The following GRK3 variants were observed in gnomAD, a reference collection of about 807,000 sequenced individuals.
The protein encoded by GRK3 is G protein-coupled receptor kinase 3, also known as adrenergic, beta, receptor kinase 2.
GRK3 carries 54 observed loss-of-function variants against 95.7 expected under a neutral mutation model. The observed-to-expected ratio is 0.56, with a 90% CI of 0.45 to 0.71. GRK3 has a LOEUF of 0.71. Among genes scored for constraint, GRK3 ranks in the 30% least tolerant of loss-of-function variants. GRK3 has a pLI of 0.00. For synonymous variants in GRK3, 281 were observed against 290.8 expected, an observed-to-expected ratio of 0.97 and a Z score of 0.34; for missense variants, 649 against 851.2, an observed-to-expected ratio of 0.76 and a Z score of 2.96.
intron 1 of GRK3, among the ~76,000 whole-genome samples, chr22:25,600,152 T>G (rs1463625436): frequency 2.6e-5 from 4 of 151,620 alleles, no homozygotes; most frequent in Non-Finnish European, 5.9e-5. Flanking sequence ...GCAGGGTTTT[T>G]TTTTTTTTTT....
chr22:25,711,093 G>T lies in GRK3; in HGVS notation c.1421G>T (p.Arg474Leu). ...QKYPPPLIPPRGEVNAADAFD... is the reference protein window; with the variant it reads ...QKYPPPLIPPLGEVNAADAFD... ...TACCCACCACCCTTGATTCCTCCCC[G>T]GGGAGAAGTCAATGCTGCTGATGCC... The change falls in exon 17 of 21, where the codon CGG (arginine) becomes CTG (leucine). Residue 474 changes from arginine (R) to leucine (L), a missense_variant. Coordinates refer to ENST00000324198, the MANE Select transcript of GRK3 (RefSeq NM_005160.4). 6.2e-7 allele frequency: 1 copy of T among 1,613,468 alleles called. No individual in the cohort carries two copies. The highest frequency in any genetic ancestry group is 8.5e-7 in the Non-Finnish European group (1 of 1,179,696).
chr22:25,666,577 C>T (rs528750194), intron 5 of GRK3, among the ~76,000 whole-genome samples: 5 of 152,088 alleles, frequency 3.3e-5, no homozygotes, highest in Non-Finnish European at 7.4e-5. Flanking sequence ...GCTCACCCCC[C>T]ACCACCGCCC....
intron 1 of GRK3, among the ~76,000 whole-genome samples, chr22:25,597,841 C>G (rs1328308154): frequency 6.6e-6 from 1 of 152,166 alleles, no homozygotes; most frequent in Non-Finnish European, 1.5e-5. Flanking sequence ...GAAAACAAAA[C>G]AAACCTGCCA....
intron 9 of GRK3, among the ~76,000 whole-genome samples, chr22:25,680,584 G>A (rs2085066204): frequency 6.6e-6 from 1 of 152,234 alleles, no homozygotes; most frequent in African/African-American, 2.4e-5. Context: ...GAGAGGAGAT[G>A]TGGTTAAGTG....
intron 9 of GRK3, among the ~76,000 whole-genome samples, chr22:25,679,331 G>A (rs374555830): frequency 2.1e-4 from 32 of 152,306 alleles, no homozygotes; most frequent in African/African-American, 6.5e-4. Flanking sequence ...ACTCACATCC[G>A]AATTGTCCTT....
intron 5 of GRK3, among the ~76,000 whole-genome samples, 193 bp downstream of exon 5, chr22:25,663,897 G>A (rs776659822): frequency 3.9e-5 from 6 of 152,120 alleles, no homozygotes; most frequent in Admixed American, 2.6e-4. Flanking sequence ...TTCTACCAAC[G>A]TGCTTCCTAA....
chr22:25,644,500 T>G, intron 2 of GRK3, 92 bp from the exon 3 acceptor site: 1 of 525,014 alleles, frequency 1.9e-6, no homozygotes, highest in Non-Finnish European at 3.3e-6. Flanking sequence ...GAGGAAGAGG[T>G]TGAGGTATAA....
At chr22:25,671,020 C>T (rs1174767177) in intron 6 of GRK3, among the ~76,000 whole-genome samples, 1 of 149,496 alleles carries the variant, frequency 6.7e-6, no homozygotes, top group Non-Finnish European at 1.5e-5. Context: ...CGCCGCTGCA[C>T]TACAGTCTGG....
At chr22:25,571,996 A>C (rs1411305840) in intron 1 of GRK3, among the ~76,000 whole-genome samples, 2 of 151,900 alleles carry the variant, frequency 1.3e-5, no homozygotes, top group Non-Finnish European at 2.9e-5. Flanking sequence ...TCCCAATGCT[A>C]TCCCTACCCC....
intron 3 of GRK3, chr22:25,648,647 T>A: frequency 9.9e-7 from 1 of 1,011,350 alleles, no homozygotes; most frequent in Non-Finnish European, 1.6e-6. Flanking sequence ...ACATTGTCAC[T>A]GAATTGATGT....
chr22:25,648,711 C>A, intron 3 of GRK3: 2 of 1,050,108 alleles, frequency 1.9e-6, no homozygotes, highest in Non-Finnish European at 3.0e-6. Context: ...GTATTTGAAG[C>A]TTCCACAAAT....
intron 7 of GRK3, among the ~76,000 whole-genome samples, chr22:25,673,008 A>ATT (rs3884806): frequency 0.013 from 1,455 of 110,394 alleles, 12 homozygotes; most frequent in Admixed American, 0.016. Context: ...ATCAACCGGA[A>ATT]TTTTTTTTTT....
At chr22:25,699,379 T>A (rs926862610) in intron 13 of GRK3, among the ~76,000 whole-genome samples, 2 of 152,044 alleles carry the variant, frequency 1.3e-5, no homozygotes, top group Non-Finnish European at 2.9e-5. Context: ...ATCCTGACAC[T>A]CCTGGGGCGC....
chr22:25,682,474 G>C (rs746505238), intron 9 of GRK3, among the ~76,000 whole-genome samples: 4 of 152,142 alleles, frequency 2.6e-5, no homozygotes, highest in Non-Finnish European at 5.9e-5. Flanking sequence ...TCATTTTAAG[G>C]GGGGCTGAGC....
At chr22:25,681,035 G>A (rs2085070030) in intron 9 of GRK3, among the ~76,000 whole-genome samples, 1 of 150,758 alleles carries the variant, frequency 6.6e-6, no homozygotes, top group African/African-American at 2.4e-5. Context: ...GTTTTCTTCT[G>A]TAATTCTCAG....
At chr22:25,611,537 G>C (rs1429592249) in intron 2 of GRK3, among the ~76,000 whole-genome samples, 1 of 152,162 alleles carries the variant, frequency 6.6e-6, no homozygotes, top group Non-Finnish European at 1.5e-5. Flanking sequence ...GTGGTATCTT[G>C]TTGTGGTCTT....
At chr22:25,708,162 G>A (rs187626633) in intron 15 of GRK3, among the ~76,000 whole-genome samples, 9 of 152,180 alleles carry the variant, frequency 5.9e-5, no homozygotes, top group African/African-American at 1.2e-4. Context: ...CAGGAGAATC[G>A]CTTGAACCCA....
chr22:25,606,263 T>C (rs553644306), intron 2 of GRK3, among the ~76,000 whole-genome samples: 1 of 152,234 alleles, frequency 6.6e-6, no homozygotes, highest in Non-Finnish European at 1.5e-5. Context: ...ATTCGTGACC[T>C]TGGATCTGGT....
intron 2 of GRK3, among the ~76,000 whole-genome samples, chr22:25,627,514 C>T (rs946433177): frequency 6.6e-6 from 1 of 152,210 alleles, no homozygotes; most frequent in African/African-American, 2.4e-5. Flanking sequence ...GACTCTATAG[C>T]CCGTTAATCT....
Sources: gnomAD v4.1 joint callset for allele counts (sites outside exome capture counted in the v4.1 genomes callset) on GRCh38, gnomAD v4.1.1 for gene constraint, MANE v1.5 for transcripts, NCBI Gene and HGNC (gene_info 2026-07-23, HGNC 2026-07-21) for gene names.